The following FBXL7 variants were observed in gnomAD, a reference collection of about 807,000 sequenced individuals.
FBXL7 encodes the protein F-box/LRR-repeat protein 7.
FBXL7 carries 12 observed loss-of-function variants against 38.3 expected under a neutral mutation model. The ratio of observed to expected loss-of-function variants is 0.31; its 90% CI spans 0.20 to 0.51. The LOEUF (loss-of-function observed/expected upper bound fraction) is 0.51. Among genes scored for constraint, FBXL7 ranks in the 20% least tolerant of loss-of-function variants. FBXL7 has a pLI of 0.98. For synonymous variants in FBXL7, 297 were observed against 300.9 expected (o/e 0.99, Z 0.13); for missense variants, 567 against 676.4 (o/e 0.84, Z 1.79).
At chr5:15,611,949 C>G (rs547088999) in intron 1 of FBXL7, among the ~76,000 whole-genome samples, 3 of 151,882 alleles carry the variant, frequency 2.0e-5, no homozygotes, top group Admixed American at 6.6e-5. Context: ...CCACTACACT[C>G]CAGCTTGGGT....
intron 1 of FBXL7, among the ~76,000 whole-genome samples, chr5:15,531,026 G>T (rs377206898): frequency 6.6e-6 from 1 of 152,176 alleles, no homozygotes; most frequent in Non-Finnish European, 1.5e-5. Flanking sequence ...CAGATATGCC[G>T]TAGATCTATA....
rs1334692291 is a variant in FBXL7 at position 15,938,242 on chromosome 5, C to A, written c.*1056C>A. 1 of 152,200 alleles carries A rather than the reference C, an allele frequency of 6.6e-6. No individual in the cohort carries two copies. The highest frequency in any genetic ancestry group is 2.1e-4 in the South Asian group (1 of 4,818). 9.4% of individuals were successfully genotyped at this position (152,200 alleles called of 1,614,324 possible). A position where few individuals can be genotyped will look rare whatever the true frequency, so the allele number is the denominator to read the frequency against. On this transcript the variant is annotated 3_prime_UTR_variant, in exon 4 of 4. Transcript: ENST00000504595. ...TAATCACAGCAAAGCCCAGATCCCC[C>A]CATCAGTTGCTTTTACTCAGTGTTT...
chr5:15,935,723 A>G (rs1187307099), intron 3 of FBXL7, among the ~76,000 whole-genome samples: 1 of 152,224 alleles, frequency 6.6e-6, no homozygotes, highest in Non-Finnish European at 1.5e-5. Flanking sequence ...GGTCTGTTCA[A>G]TTGACAGAAG....
intron 1 of FBXL7, among the ~76,000 whole-genome samples, chr5:15,505,901 C>G (rs751102528): frequency 3.9e-4 from 59 of 152,114 alleles, no homozygotes; most frequent in Non-Finnish European, 7.5e-4. Context: ...GAGTACCGAA[C>G]CTGATTGCAG....
chr5:15,842,374 A>G (rs1366413894), intron 2 of FBXL7, among the ~76,000 whole-genome samples: 1 of 152,134 alleles, frequency 6.6e-6, no homozygotes, highest in Non-Finnish European at 1.5e-5. Flanking sequence ...TTCACCCAAT[A>G]CCTGTACCCA....
Position 15,939,176 on chromosome 5 carries a change from C to G in FBXL7, c.*1990C>G, listed in dbSNP as rs963457250. ...AACATCATCAAATTACATGTGTAAT[C>G]AAGGCTCTGTGCCATGGGGGAAATG... On this transcript the variant is annotated 3_prime_UTR_variant, in exon 4 of 4. Coordinates refer to ENST00000504595, the MANE Select transcript of FBXL7 (RefSeq NM_012304.5). 7.5e-6 allele frequency: 3 copies of G among 397,488 alleles called. No individual in the cohort carries two copies. The highest frequency in any genetic ancestry group is 8.9e-6 in the Non-Finnish European group (2 of 225,478). The allele number at this position is 397,488 out of a possible 1,614,324, so 24.6% of individuals were successfully genotyped here.
rs1261103570 is a variant in FBXL7, at chr5:15,938,619, G to A, written c.*1433G>A. ...GCAGACTTCCAGGTGTTTAAATTCT[G>A]TTCACTCAACAATGCCAGATGAATG... On this transcript the variant is annotated 3_prime_UTR_variant, in exon 4 of 4. Coordinates refer to ENST00000504595, the MANE Select transcript of FBXL7 (RefSeq NM_012304.5). 1.2e-5 allele frequency: 2 copies of A among 171,130 alleles called. No homozygotes were observed. Among genetic ancestry groups the A allele is most frequent in the Non-Finnish European group, 2.5e-5 (2 of 81,026 alleles). The allele number at this position is 171,130 out of a possible 1,614,324, so 10.6% of individuals were successfully genotyped here. A position where few individuals can be genotyped will look rare whatever the true frequency, so the allele number is the denominator to read the frequency against.
chr5:15,708,562 G>A (rs1309562180), intron 2 of FBXL7, among the ~76,000 whole-genome samples: 2 of 152,234 alleles, frequency 1.3e-5, no homozygotes, highest in African/African-American at 2.4e-5. Flanking sequence ...ACATTGCCTG[G>A]CATCCTAATG....
intron 2 of FBXL7, among the ~76,000 whole-genome samples, chr5:15,921,924 G>A (rs776708949): frequency 9.2e-5 from 14 of 152,088 alleles, no homozygotes; most frequent in Admixed American, 2.0e-4. Flanking sequence ...GTATGGAGCT[G>A]TCTAAATAAA....
chr5:15,731,282 G>A (rs1176919553), intron 2 of FBXL7, among the ~76,000 whole-genome samples: 1 of 152,188 alleles, frequency 6.6e-6, no homozygotes, highest in African/African-American at 2.4e-5. Flanking sequence ...GTTCCACGTG[G>A]CTAGGGAAGC....
At chr5:15,628,765 C>A (rs930338380) in intron 2 of FBXL7, among the ~76,000 whole-genome samples, 2 of 151,980 alleles carry the variant, frequency 1.3e-5, no homozygotes, top group Non-Finnish European at 2.9e-5. Flanking sequence ...TAACATTATT[C>A]CCATTATTAA....
intron 2 of FBXL7, among the ~76,000 whole-genome samples, chr5:15,662,644 A>C (rs1424477894): frequency 6.6e-6 from 1 of 152,138 alleles, no homozygotes; most frequent in Non-Finnish European, 1.5e-5. Flanking sequence ...CTTTACATTG[A>C]AGTCTTTAAT....
intron 1 of FBXL7, among the ~76,000 whole-genome samples, chr5:15,586,140 T>TG (rs34401769): frequency 6.6e-6 from 1 of 152,106 alleles, no homozygotes; most frequent in African/African-American, 2.4e-5. Flanking sequence ...ACACAGAATC[T>TG]GGGGGGTATT....
intron 1 of FBXL7, among the ~76,000 whole-genome samples, chr5:15,587,709 A>G (rs1025839742): frequency 2.6e-5 from 4 of 152,232 alleles, no homozygotes; most frequent in African/African-American, 9.6e-5. Flanking sequence ...AGATGAAAAC[A>G]CTATTTGTTT....
rs185156314 is a variant in FBXL7, at chr5:15,720,756, T to C, written c.127+104684T>C. Among the ~76,000 whole-genome samples the C allele has an allele frequency of 1.4e-4, 18 of 125,148 alleles. 1 individual carries two copies. The highest frequency in any genetic ancestry group is 4.4e-4 in the African/African-American group (16 of 36,646). The allele number at this position is 125,148 out of a possible 152,430, so 82.1% of individuals were successfully genotyped here. ...TGTATTAGACTGTTTCCTTTCAAACTGGTTTACTGAAAAGAGTATAATATG... is the reference window on the plus strand; with the variant it reads ...TGTATTAGACTGTTTCCTTTCAAACCGGTTTACTGAAAAGAGTATAATATG... On this transcript the variant is annotated intron_variant, in intron 2 of 3. Transcript: ENST00000504595.
intron 2 of FBXL7, among the ~76,000 whole-genome samples, chr5:15,760,961 A>G (rs59114091): frequency 2.8e-4 from 42 of 152,274 alleles, no homozygotes; most frequent in African/African-American, 1.0e-3. Context: ...GCAGTCCCAT[A>G]TTTCAGAGTG....
chr5:15,921,807 C>T (rs1741748920), intron 2 of FBXL7, among the ~76,000 whole-genome samples: 2 of 152,126 alleles, frequency 1.3e-5, no homozygotes, highest in Non-Finnish European at 2.9e-5. Context: ...TCACCTCACA[C>T]GTGTTAGGAG....
At chr5:15,825,928 G>A (rs992427748) in intron 2 of FBXL7, among the ~76,000 whole-genome samples, 1 of 152,156 alleles carries the variant, frequency 6.6e-6, no homozygotes, top group Non-Finnish European at 1.5e-5. Context: ...GAGCAAACCC[G>A]GGTTTCATTG....
At chr5:15,875,041 G>A (rs1579553989) in intron 2 of FBXL7, among the ~76,000 whole-genome samples, 1 of 152,248 alleles carries the variant, frequency 6.6e-6, no homozygotes, top group East Asian at 1.9e-4. Context: ...AACCAAAACA[G>A]CATAGTACTG....
Sources: gnomAD v4.1 joint callset for allele counts (sites outside exome capture counted in the v4.1 genomes callset) on GRCh38, gnomAD v4.1.1 for gene constraint, MANE v1.5 for transcripts, NCBI Gene and HGNC (gene_info 2026-07-23, HGNC 2026-07-21) for gene names.